The following FRMD4B variants were observed in gnomAD, a reference collection of about 807,000 sequenced individuals.
FRMD4B encodes FERM domain containing 4B.
FRMD4B carries 74 observed loss-of-function variants against 141.5 expected under a neutral mutation model. The ratio of observed to expected loss-of-function variants is 0.52; its 90% CI spans 0.43 to 0.63. The LOEUF (loss-of-function observed/expected upper bound fraction) is 0.63. Ranked by LOEUF, FRMD4B falls within the 30% of genes least tolerant of loss-of-function variation. The pLI, the probability that FRMD4B is intolerant of heterozygous loss-of-function variation, is 0.00. For missense variants in FRMD4B, 1,366 were observed against 1,253.4 expected, an observed-to-expected ratio of 1.09 and a Z score of -1.36; for synonymous variants, 506 against 467.9, an observed-to-expected ratio of 1.08 and a Z score of -1.05.
intron 1 of FRMD4B, among the ~76,000 whole-genome samples, chr3:69,350,660 TC>T (rs1459008301): frequency 6.6e-6 from 1 of 152,102 alleles, no homozygotes; most frequent in Non-Finnish European, 1.5e-5. Flanking sequence ...AAGAATGAGT[TC>T]ATGTCCTTTG....
chr3:69,420,438 G>C (rs1704955700), intron 2 of FRMD4B, among the ~76,000 whole-genome samples: 1 of 152,086 alleles, frequency 6.6e-6, no homozygotes. Flanking sequence ...TTTAACACTT[G>C]AAAAAATTCA....
chr3:69,286,925 C>T lies in FRMD4B; in HGVS notation c.501+827G>A, dbSNP rs56836406. Among the ~76,000 whole-genome samples, 899 of 152,314 alleles carry T rather than the reference C, an allele frequency of 5.9e-3. 10 individuals are homozygous for T. The highest frequency in any genetic ancestry group is 0.02 in the African/African-American group (835 of 41,550). ...GTCCAAGTGATTCTCCTGCCTCAGC[C>T]TCCCGAGTAGCTGGGATTACAGGGG... is the stretch of plus-strand genomic sequence containing the variant. On this transcript the variant is annotated intron_variant, in intron 5 of 22. Coordinates refer to ENST00000398540, the MANE Select transcript of FRMD4B (RefSeq NM_015123.3).
chr3:69,357,704 C>T (rs764887766), intron 1 of FRMD4B, among the ~76,000 whole-genome samples: 2 of 152,174 alleles, frequency 1.3e-5, no homozygotes, highest in African/African-American at 4.8e-5. Flanking sequence ...GAATGCCAGA[C>T]GCACCATAAA....
Position 69,298,571 on chromosome 3 carries a change from A to G in FRMD4B, c.416+3772T>C, listed in dbSNP as rs1425217434. ...GCCAACTCCTACTCACCTCCCTTTT[A>G]TAGGTTCTCTCCAGATACATGACTT... On this transcript the variant is annotated intron_variant, in intron 4 of 22. Coordinates refer to ENST00000398540, the MANE Select transcript of FRMD4B (RefSeq NM_015123.3). 2.0e-5 allele frequency among the ~76,000 whole-genome samples: 3 copies of G among 152,150 alleles called. No homozygotes were observed. In the East Asian group the frequency reaches 5.8e-4, roughly 29 times the overall value.
intron 7 of FRMD4B, among the ~76,000 whole-genome samples, chr3:69,233,610 T>C (rs139037920): frequency 5.3e-5 from 8 of 152,288 alleles, no homozygotes; most frequent in East Asian, 3.9e-4. Context: ...AAGTGCCTAT[T>C]TGAACACTCA....
At chr3:69,497,435 C>T (rs577577563) in intron 1 of FRMD4B, among the ~76,000 whole-genome samples, 3 of 152,152 alleles carry the variant, frequency 2.0e-5, no homozygotes, top group East Asian at 1.9e-4. Context: ...GAATTTCGGA[C>T]GACTGATTGC....
At chr3:69,195,656 C>G (rs145421444) in intron 14 of FRMD4B, among the ~76,000 whole-genome samples, 378 of 152,102 alleles carry the variant, frequency 2.5e-3, no homozygotes, top group African/African-American at 8.6e-3. Context: ...TTTTTCTGAG[C>G]AGAAGAGAAG....
chr3:69,420,495 T>A (rs1704956522), intron 2 of FRMD4B, among the ~76,000 whole-genome samples: 1 of 152,092 alleles, frequency 6.6e-6, no homozygotes, highest in Non-Finnish European at 1.5e-5. Flanking sequence ...ACCTAGCAAC[T>A]GGCAGAACAA....
At chr3:69,284,668 T>C (rs1315215446) in intron 5 of FRMD4B, among the ~76,000 whole-genome samples, 1 of 152,078 alleles carries the variant, frequency 6.6e-6, no homozygotes, top group African/African-American at 2.4e-5. Context: ...CTACCAAATA[T>C]TGCCAGGCAT....
intron 1 of FRMD4B, among the ~76,000 whole-genome samples, chr3:69,321,516 C>T (rs1044938506): frequency 1.3e-5 from 2 of 152,156 alleles, no homozygotes; most frequent in African/African-American, 4.8e-5. Flanking sequence ...GCTATCTAGG[C>T]AGGTTCCATA....
chr3:69,504,616 C>G (rs1174182675), intron 1 of FRMD4B, among the ~76,000 whole-genome samples: 1 of 152,172 alleles, frequency 6.6e-6, no homozygotes, highest in African/African-American at 2.4e-5. Flanking sequence ...TTGTGAGGCT[C>G]ATCCACATTA....
At chr3:69,391,227 A>T (rs1575784580) in intron 2 of FRMD4B, among the ~76,000 whole-genome samples, 1 of 149,280 alleles carries the variant, frequency 6.7e-6, no homozygotes, top group East Asian at 1.9e-4. Context: ...CATTTCATTT[A>T]TTTATTATTT....
chr3:69,252,796 C>T (rs1023861625), intron 5 of FRMD4B, among the ~76,000 whole-genome samples: 3 of 152,056 alleles, frequency 2.0e-5, no homozygotes, highest in East Asian at 1.9e-4. Flanking sequence ...TTATAGGTAC[C>T]GGGCAAGCCA....
chr3:69,243,831 AG>A (rs1386916748), intron 7 of FRMD4B, among the ~76,000 whole-genome samples: 1 of 152,196 alleles, frequency 6.6e-6, no homozygotes, highest in Non-Finnish European at 1.5e-5. Flanking sequence ...AGATCACCTG[AG>A]GCCAGGAGTT....
intron 1 of FRMD4B, among the ~76,000 whole-genome samples, chr3:69,465,147 C>T (rs1317206234): frequency 2.6e-5 from 4 of 151,896 alleles, no homozygotes; most frequent in Admixed American, 6.6e-5. Flanking sequence ...GGTGAAACCC[C>T]GTCTCTACTA....
At chr3:69,271,556 C>A (rs536267120) in intron 5 of FRMD4B, among the ~76,000 whole-genome samples, 5 of 150,566 alleles carry the variant, frequency 3.3e-5, no homozygotes, top group African/African-American at 1.2e-4. Context: ...ATGCACAAGG[C>A]AGTATATATC....
At chr3:69,434,813 T>G (rs1348211872) in intron 1 of FRMD4B, among the ~76,000 whole-genome samples, 1 of 152,182 alleles carries the variant, frequency 6.6e-6, no homozygotes, top group Non-Finnish European at 1.5e-5. Flanking sequence ...CTATATTAGT[T>G]TGCTAGGGCT....
chr3:69,234,408 C>A (rs1237346320), intron 7 of FRMD4B, among the ~76,000 whole-genome samples: 1 of 152,118 alleles, frequency 6.6e-6, no homozygotes, highest in African/African-American at 2.4e-5. Flanking sequence ...TAACAAACAC[C>A]AATTTCCTCA....
intron 1 of FRMD4B, among the ~76,000 whole-genome samples, chr3:69,378,476 T>G (rs1704031765): frequency 6.6e-6 from 1 of 152,200 alleles, no homozygotes; most frequent in Non-Finnish European, 1.5e-5. Context: ...AGTGATTGAA[T>G]AGATAGTATG....
Sources: allele counts gnomAD v4.1 joint callset (sites outside exome capture counted in the v4.1 genomes callset), GRCh38; gene constraint gnomAD v4.1.1; transcripts MANE v1.5; gene names NCBI Gene and HGNC (gene_info 2026-07-23, HGNC 2026-07-21).